PARN: variants seen among roughly 807,000 people sequenced by gnomAD.
The protein encoded by PARN is poly(A)-specific ribonuclease, also known as poly(A)-specific ribonuclease PARN.
PARN carries 71 observed loss-of-function variants against 102.8 expected under a neutral mutation model. That is an observed-to-expected ratio of 0.69 (90% confidence interval 0.57 to 0.84). The LOEUF is 0.84. Among genes scored for constraint, PARN ranks in the 40% least tolerant of loss-of-function variants. The pLI is 0.00. For missense variants in PARN, 782 were observed against 760.9 expected (o/e 1.03, Z -0.33); for synonymous variants, 261 against 252.9 (o/e 1.03, Z -0.30).
intron 21 of PARN, among the ~76,000 whole-genome samples, chr16:14,518,226 AG>A (rs1269769908): frequency 7.0e-6 from 1 of 142,362 alleles, no homozygotes; most frequent in Non-Finnish European, 1.5e-5. Context: ...CAGGAGGTCG[AG>A]GCTGCAGTGA....
At chr16:14,441,701 A>AC (rs1161317503) in intron 23 of PARN, among the ~76,000 whole-genome samples, 1 of 152,070 alleles carries the variant, frequency 6.6e-6, no homozygotes, top group Admixed American at 6.6e-5. Flanking sequence ...AGCAGCCCAC[A>AC]CCTCCTTCGC....
intron 13 of PARN, among the ~76,000 whole-genome samples, chr16:14,589,389 C>T (rs576629918): frequency 2.0e-5 from 3 of 151,332 alleles, no homozygotes; most frequent in African/African-American, 7.3e-5. Context: ...ATGGTGAGAT[C>T]CTGTCTCTAC....
chr16:14,557,173 T>C (rs1967743600), intron 18 of PARN, among the ~76,000 whole-genome samples: 1 of 152,196 alleles, frequency 6.6e-6, no homozygotes, highest in Non-Finnish European at 1.5e-5. Context: ...GACAACATTA[T>C]ACAGCAAATT....
At chr16:14,517,907 G>C (rs983513977) in intron 21 of PARN, among the ~76,000 whole-genome samples, 1 of 152,038 alleles carries the variant, frequency 6.6e-6, no homozygotes, top group Admixed American at 6.5e-5. Context: ...CTGGCCTCAA[G>C]TGATCCACTT....
At chr16:14,454,106 C>T (rs1961579089) in intron 22 of PARN, among the ~76,000 whole-genome samples, 1 of 151,946 alleles carries the variant, frequency 6.6e-6, no homozygotes, top group Admixed American at 6.6e-5. Flanking sequence ...TCTGAATTGC[C>T]GAGTATATAT....
At chr16:14,460,452 C>T (rs1001947949) in intron 22 of PARN, among the ~76,000 whole-genome samples, 8 of 152,138 alleles carry the variant, frequency 5.3e-5, no homozygotes, top group Admixed American at 2.0e-4. Flanking sequence ...ATCTGGACAA[C>T]GGAAGGGTGA....
At chr16:14,538,468 G>A (rs1215281569) in intron 21 of PARN, among the ~76,000 whole-genome samples, 6 of 152,028 alleles carry the variant, frequency 3.9e-5, no homozygotes, top group Non-Finnish European at 7.4e-5. Context: ...GATAACGCCT[G>A]CCTCAGCCTC....
At chr16:14,561,778 A>G (rs1042696503) in intron 18 of PARN, among the ~76,000 whole-genome samples, 2 of 152,228 alleles carry the variant, frequency 1.3e-5, no homozygotes, top group Non-Finnish European at 2.9e-5. Context: ...ACTGCACTCC[A>G]GTCTGGGCAA....
intron 7 of PARN, among the ~76,000 whole-genome samples, chr16:14,609,609 C>T (rs900948317): frequency 2.6e-5 from 4 of 152,072 alleles, no homozygotes; most frequent in Non-Finnish European, 5.9e-5. Flanking sequence ...CTTTATTTGG[C>T]GTATTTTGGG....
At chr16:14,462,549 A>G (rs1055284572) in intron 22 of PARN, among the ~76,000 whole-genome samples, 11 of 152,332 alleles carry the variant, frequency 7.2e-5, no homozygotes, top group Middle Eastern at 3.4e-3. Flanking sequence ...AGTACCCAGC[A>G]TAACACTTCC....
intron 23 of PARN, among the ~76,000 whole-genome samples, chr16:14,446,418 T>C (rs561512844): frequency 1.3e-5 from 2 of 152,336 alleles, no homozygotes; most frequent in Admixed American, 6.5e-5. Context: ...GTCTAGCATG[T>C]AGTAGGCTCT....
At chr16:14,527,415 G>T (rs1966066393) in intron 21 of PARN, among the ~76,000 whole-genome samples, 1 of 152,154 alleles carries the variant, frequency 6.6e-6, no homozygotes, top group Admixed American at 6.5e-5. Context: ...ATGAGTTGTT[G>T]TCCCATTCCA....
chr16:14,448,012 TC>T (rs1961280708), intron 22 of PARN, among the ~76,000 whole-genome samples: 2 of 152,156 alleles, frequency 1.3e-5, no homozygotes, highest in South Asian at 4.1e-4. Context: ...TGAGACACAG[TC>T]TTGCTCTGTC....
chr16:14,626,151 A>G (rs143065141), intron 5 of PARN, among the ~76,000 whole-genome samples: 362 of 152,240 alleles, frequency 2.4e-3, no homozygotes, highest in African/African-American at 8.4e-3. Context: ...GCTTGAGAAA[A>G]GGAAGTCAGC....
chr16:14,517,749 G>A (rs933453193), intron 21 of PARN, among the ~76,000 whole-genome samples: 1 of 152,108 alleles, frequency 6.6e-6, no homozygotes, highest in African/African-American at 2.4e-5. Flanking sequence ...CAAAATCTTG[G>A]CTCATTGCAA....
At chr16:14,593,160 A>G (rs1001797915) in intron 13 of PARN, 141 bp downstream of exon 13, 16 of 571,160 alleles carry the variant, frequency 2.8e-5, no homozygotes, top group African/African-American at 2.1e-4. Flanking sequence ...AACTGAGTGC[A>G]TAAGATTCTC....
chr16:14,528,530 C>T (rs547594986), intron 21 of PARN, among the ~76,000 whole-genome samples: 2 of 152,368 alleles, frequency 1.3e-5, no homozygotes, highest in Admixed American at 6.5e-5. Flanking sequence ...GAGCTTCACA[C>T]TCACACAGTC....
intron 22 of PARN, among the ~76,000 whole-genome samples, chr16:14,459,761 T>C (rs1466711604): frequency 1.3e-5 from 2 of 152,178 alleles, no homozygotes; most frequent in Non-Finnish European, 2.9e-5. Context: ...ACTACAAAGC[T>C]ACAGTAATCA....
At chr16:14,573,640 T>C (rs2151737763) in intron 18 of PARN, among the ~76,000 whole-genome samples, 1 of 152,348 alleles carries the variant, frequency 6.6e-6, no homozygotes, top group South Asian at 2.1e-4. Flanking sequence ...ACTCTCACAA[T>C]TCCTACATGT....
Sources: gnomAD v4.1 joint callset for allele counts (sites outside exome capture counted in the v4.1 genomes callset) on GRCh38, gnomAD v4.1.1 for gene constraint, MANE v1.5 for transcripts, NCBI Gene and HGNC (gene_info 2026-07-23, HGNC 2026-07-21) for gene names.